Variants in CD1B observed in about 807,000 individuals in gnomAD.
The protein encoded by CD1B is T-cell surface glycoprotein CD1b.
CD1B carries 43 observed loss-of-function variants against 39.8 expected under a neutral mutation model. The ratio of observed to expected loss-of-function variants is 1.08; its 90% CI spans 0.85 to 1.39. The LOEUF is 1.39. Ranked by LOEUF, CD1B falls within the 40% of genes most tolerant of loss-of-function variation. The pLI, the probability that CD1B is intolerant of heterozygous loss-of-function variation, is 0.00. For missense variants in CD1B, 495 were observed against 403.8 expected (o/e 1.23, Z -1.94); for synonymous variants, 192 against 152.5 (o/e 1.26, Z -1.91).
At chr1:158,318,800 A>G in the CD1B span, among the ~76,000 whole-genome samples, 1 of 152,136 alleles carries the variant, frequency 6.6e-6, no homozygotes, top group African/African-American at 2.4e-5. Context: ...AGCAGCTTGT[A>G]CCGGTTGTTC....
downstream of CD1B, among the ~76,000 whole-genome samples, chr1:158,323,922 A>C (rs1195704685): frequency 1.3e-5 from 2 of 152,210 alleles, no homozygotes; most frequent in Admixed American, 1.3e-4. Context: ...TTTGGGACAA[A>C]GGCTGGTGGT....
chr1:158,289,399 T>A, the CD1B span, among the ~76,000 whole-genome samples: 1 of 152,200 alleles, frequency 6.6e-6, no homozygotes, highest in Non-Finnish European at 1.5e-5. Flanking sequence ...ATGGCTGCAA[T>A]TTAATCTCTA....
chr1:158,310,413 G>A, the CD1B span, among the ~76,000 whole-genome samples: 1 of 152,068 alleles, frequency 6.6e-6, no homozygotes, highest in East Asian at 1.9e-4. Context: ...GCCCTGGCAA[G>A]GATTTCATGA....
chr1:158,330,412 A>G (rs952308520), intron 2 of CD1B: 15 of 566,400 alleles, frequency 2.6e-5, no homozygotes, highest in Non-Finnish European at 4.4e-5. Context: ...TTCCAGAGTG[A>G]GTGGAGGTTC....
At chr1:158,316,716 G>A in the CD1B span, among the ~76,000 whole-genome samples, 2 of 150,968 alleles carry the variant, frequency 1.3e-5, no homozygotes, top group Non-Finnish European at 2.9e-5. Context: ...TGGTGAGAGA[G>A]GGCATCCTTG....
At chr1:158,287,685 T>G in the CD1B span, among the ~76,000 whole-genome samples, 1 of 152,212 alleles carries the variant, frequency 6.6e-6, no homozygotes, top group Non-Finnish European at 1.5e-5. Context: ...TGTTTGCTTC[T>G]GAATTCAAGA....
chr1:158,310,565 T>G, the CD1B span, among the ~76,000 whole-genome samples: 5 of 152,126 alleles, frequency 3.3e-5, no homozygotes, highest in Non-Finnish European at 1.5e-5. Flanking sequence ...GCAAACTATG[T>G]GTATGACAAA....
At chr1:158,322,673 T>C in the CD1B span, among the ~76,000 whole-genome samples, 276 of 152,332 alleles carry the variant, frequency 1.8e-3, no homozygotes, top group African/African-American at 6.2e-3. Flanking sequence ...TGTTATTTCT[T>C]GTAAGACAGA....
At position 158,329,610 on chromosome 1, in the gene CD1B, C is replaced by T; in HGVS notation, c.646G>A (p.Gly216Arg). ...EAWLSSGPSP[G>R]PGRLQLVCHV... ...CACACAAGCTGCAGACGGCCAGGTC[C>T]AGGACTGGGGCCACTGGACAGCCAG... is the stretch of plus-strand genomic sequence containing the variant. The change falls in exon 4 of 6, where the codon GGA becomes AGA. Residue 216 changes from glycine (G) to arginine (R), a missense_variant. Coordinates refer to ENST00000368168, the MANE Select transcript of CD1B (RefSeq NM_001764.3). The T allele has an allele frequency of 1.9e-6, 3 of 1,614,072 alleles. No homozygotes were observed. Among genetic ancestry groups the T allele is most frequent in the Non-Finnish European group, 2.5e-6 (3 of 1,180,034 alleles).
chr1:158,297,895 C>T, the CD1B span, among the ~76,000 whole-genome samples: 1 of 150,612 alleles, frequency 6.6e-6, no homozygotes, highest in South Asian at 2.1e-4. Context: ...GTGATCATGC[C>T]ACTGCACTTC....
At chr1:158,318,948 T>C in the CD1B span, among the ~76,000 whole-genome samples, 2 of 152,206 alleles carry the variant, frequency 1.3e-5, no homozygotes, top group Admixed American at 1.3e-4. Context: ...GATATTTAAT[T>C]CTGGGTTGAA....
chr1:158,293,480 T>C, the CD1B span: 1 of 1,614,170 alleles, frequency 6.2e-7, no homozygotes, highest in Non-Finnish European at 8.5e-7. Context: ...CCTGTGAGAC[T>C]CTTCCCCCTG....
the CD1B span, among the ~76,000 whole-genome samples, chr1:158,321,278 C>A: frequency 0.018 from 2,684 of 152,052 alleles, 81 homozygotes; most frequent in African/African-American, 0.062. Context: ...TCTTTTTTTA[C>A]AGTTTTTTTG....
At chr1:158,292,393 G>A in the CD1B span, 3 of 1,596,328 alleles carry the variant, frequency 1.9e-6, no homozygotes, top group South Asian at 2.3e-5. Flanking sequence ...CTTCCTCTAA[G>A]ATTTTTCTAT....
At chr1:158,285,562 T>G in the CD1B span, among the ~76,000 whole-genome samples, 1 of 151,968 alleles carries the variant, frequency 6.6e-6, no homozygotes, top group African/African-American at 2.4e-5. Flanking sequence ...AGTTAAACAT[T>G]AAGACAAAGA....
At chr1:158,315,625 G>C in the CD1B span, among the ~76,000 whole-genome samples, 1 of 151,346 alleles carries the variant, frequency 6.6e-6, no homozygotes, top group African/African-American at 2.4e-5. Flanking sequence ...CACTCTGATG[G>C]TAGTTTCTTT....
chr1:158,326,521 C>T (rs991934379), downstream of CD1B, among the ~76,000 whole-genome samples: 7 of 151,922 alleles, frequency 4.6e-5, no homozygotes, highest in Non-Finnish European at 1.0e-4. Flanking sequence ...ACTGTAAAAA[C>T]AATTCATGAG....
At chr1:158,325,040 C>G (rs1029607966), downstream of CD1B, among the ~76,000 whole-genome samples, 3 of 152,076 alleles carry the variant, frequency 2.0e-5, no homozygotes, top group Non-Finnish European at 2.9e-5. Context: ...CATTCATTCT[C>G]TTGAGAACGG....
the CD1B span, among the ~76,000 whole-genome samples, chr1:158,316,058 T>C: frequency 6.6e-6 from 1 of 152,056 alleles, no homozygotes; most frequent in East Asian, 1.9e-4. Context: ...TTGGTTACTG[T>C]AGCCTTGTAG....
Sources: gnomAD v4.1 joint callset for allele counts (sites outside exome capture counted in the v4.1 genomes callset) on GRCh38, gnomAD v4.1.1 for gene constraint, MANE v1.5 for transcripts, NCBI Gene and HGNC (gene_info 2026-07-23, HGNC 2026-07-21) for gene names.